Variants in PRKD3 observed in about 807,000 individuals in gnomAD.
The protein encoded by PRKD3 is protein kinase D3.
Under a neutral mutation model 99.2 loss-of-function variants are expected in PRKD3, and 47 were observed. That is an observed-to-expected ratio of 0.47 (90% CI 0.38 to 0.60). PRKD3 has a LOEUF of 0.60. Among genes scored for constraint, PRKD3 ranks in the 20% least tolerant of loss-of-function variants. The probability of loss-of-function intolerance (pLI) is 0.00; values close to 1 mark genes in which losing one functional copy is unlikely to be tolerated. For synonymous variants in PRKD3, 392 were observed against 355.4 expected (o/e 1.10, Z -1.16); for missense variants, 1,019 against 1,088.4 (o/e 0.94, Z 0.90).
chr2:37,311,203 G>T (rs1301327642), intron 2 of PRKD3, among the ~76,000 whole-genome samples: 1 of 152,202 alleles, frequency 6.6e-6, no homozygotes, highest in Non-Finnish European at 1.5e-5. Context: ...ATTTCTCCAG[G>T]TGAAGTACTA....
At chr2:37,300,414 T>C (rs977014390) in intron 2 of PRKD3, among the ~76,000 whole-genome samples, 1 of 152,152 alleles carries the variant, frequency 6.6e-6, no homozygotes, top group Non-Finnish European at 1.5e-5. Context: ...TGGTTAATGA[T>C]TACAAAACTA....
intron 12 of PRKD3, among the ~76,000 whole-genome samples, chr2:37,270,274 C>T (rs6544065): frequency 0.73 from 108,800 of 149,458 alleles, 40,350 homozygotes; most frequent in East Asian, 0.98. Flanking sequence ...TCTATAAAAG[C>T]AAATCTACCT....
At chr2:37,276,263 G>C (rs537169833) in intron 9 of PRKD3, among the ~76,000 whole-genome samples, 1 of 152,212 alleles carries the variant, frequency 6.6e-6, no homozygotes, top group African/African-American at 2.4e-5. Context: ...TTCTACACAA[G>C]ATTTGACCCA....
At chr2:37,281,326 C>T (rs942363855) in intron 7 of PRKD3, among the ~76,000 whole-genome samples, 14 of 152,168 alleles carry the variant, frequency 9.2e-5, no homozygotes, top group African/African-American at 3.1e-4. Flanking sequence ...TAGTCATAGA[C>T]AAACTATACT....
chr2:37,270,268 T>C (rs1029391925), intron 12 of PRKD3, among the ~76,000 whole-genome samples: 2 of 146,246 alleles, frequency 1.4e-5, no homozygotes, highest in African/African-American at 2.5e-5. Context: ...TAGTGATCTA[T>C]AAAAGCAAAT....
At chr2:37,298,905 A>C (rs1670788800) in intron 2 of PRKD3, among the ~76,000 whole-genome samples, 1 of 152,190 alleles carries the variant, frequency 6.6e-6, no homozygotes, top group Non-Finnish European at 1.5e-5. Flanking sequence ...TCCAATTTGG[A>C]TACCATCTAT....
chr2:37,320,783 A>G (rs547978036), intron 1 of PRKD3, among the ~76,000 whole-genome samples: 4 of 152,302 alleles, frequency 2.6e-5, no homozygotes, highest in African/African-American at 9.6e-5. Flanking sequence ...ATATCATTTT[A>G]TTATACCTAG....
At chr2:37,295,800 A>G (rs1186209763) in intron 2 of PRKD3, among the ~76,000 whole-genome samples, 2 of 152,250 alleles carry the variant, frequency 1.3e-5, no homozygotes, top group Non-Finnish European at 2.9e-5. Flanking sequence ...AAGGTTTCAG[A>G]GCAAGGCAGG....
chr2:37,319,575 T>C (rs1379447803), intron 1 of PRKD3, among the ~76,000 whole-genome samples: 1 of 152,132 alleles, frequency 6.6e-6, no homozygotes, highest in Admixed American at 6.5e-5. Flanking sequence ...TGAGAGGTAT[T>C]TATCAACGAA....
intron 11 of PRKD3, 132 bp downstream of exon 11, chr2:37,274,289 G>T: frequency 3.1e-6 from 3 of 974,558 alleles, no homozygotes; most frequent in Non-Finnish European, 4.5e-6. Flanking sequence ...TAATTGTATT[G>T]GTTACTAAAG....
chr2:37,267,362 A>AAT, intron 14 of PRKD3, 68 bp downstream of exon 14: 4 of 1,063,846 alleles, frequency 3.8e-6, no homozygotes, highest in Non-Finnish European at 5.4e-6. Context: ...AAAAAAAAAA[A>AAT]GAGAAGCAGT....
intron 1 of PRKD3, among the ~76,000 whole-genome samples, 158 bp downstream of exon 1, chr2:37,324,523 C>G (rs1328116403): frequency 2.1e-5 from 3 of 142,226 alleles, no homozygotes; most frequent in Non-Finnish European, 4.6e-5. Flanking sequence ...CGAGTCCTGT[C>G]GCCGCCGCCG....
chr2:37,305,844 T>G (rs531596993), intron 2 of PRKD3, among the ~76,000 whole-genome samples: 1 of 152,312 alleles, frequency 6.6e-6, no homozygotes, highest in Admixed American at 6.5e-5. Flanking sequence ...TTTTGAGCAC[T>G]AAGTATGTGC....
chr2:37,275,998 G>A (rs1417684609), intron 9 of PRKD3, among the ~76,000 whole-genome samples, 154 bp from the exon 10 acceptor site: 2 of 152,064 alleles, frequency 1.3e-5, no homozygotes, highest in African/African-American at 4.8e-5. Flanking sequence ...TAAAAAGGAT[G>A]TATGGTGAAA....
chr2:37,265,769 C>T (rs1303209510), intron 14 of PRKD3, among the ~76,000 whole-genome samples: 2 of 152,170 alleles, frequency 1.3e-5, no homozygotes, highest in Non-Finnish European at 2.9e-5. Flanking sequence ...ATCCTACAAT[C>T]TATTCCCAGT....
intron 6 of PRKD3, among the ~76,000 whole-genome samples, chr2:37,284,246 G>A (rs1333182131): frequency 2.0e-5 from 3 of 151,724 alleles, no homozygotes; most frequent in South Asian, 4.2e-4. Context: ...ATTAAAATAG[G>A]GAAATCACTG....
intron 2 of PRKD3, among the ~76,000 whole-genome samples, chr2:37,309,108 T>A (rs1467704012): frequency 6.6e-6 from 1 of 152,184 alleles, no homozygotes; most frequent in Non-Finnish European, 1.5e-5. Flanking sequence ...TCAGTCTTCC[T>A]TTTTCAGGAA....
intron 17 of PRKD3, among the ~76,000 whole-genome samples, chr2:37,256,045 T>G (rs1175006607): frequency 6.6e-6 from 1 of 152,150 alleles, no homozygotes; most frequent in African/African-American, 2.4e-5. Context: ...AAAGCCCAAA[T>G]GTTTTTTAGC....
At chr2:37,318,961 T>A (rs139725748) in intron 1 of PRKD3, among the ~76,000 whole-genome samples, 17 of 152,242 alleles carry the variant, frequency 1.1e-4, no homozygotes, top group African/African-American at 4.1e-4. Context: ...AATATAATGA[T>A]CACTAGAAGT....
Sources: gnomAD v4.1 joint callset for allele counts (sites outside exome capture counted in the v4.1 genomes callset) on GRCh38, gnomAD v4.1.1 for gene constraint, MANE v1.5 for transcripts, NCBI Gene and HGNC (gene_info 2026-07-23, HGNC 2026-07-21) for gene names.